The following NUP85 variants were observed in gnomAD, a reference collection of about 807,000 sequenced individuals.
NUP85 encodes nucleoporin 85.
In NUP85, 23 loss-of-function variants were observed where a neutral mutation model predicts 92.8. That is an observed-to-expected ratio of 0.25 (90% CI 0.18 to 0.35). The LOEUF (loss-of-function observed/expected upper bound fraction) is 0.35, where lower values mean the gene tolerates loss of function less well. NUP85 is among the 10% of genes least tolerant of loss of function. The pLI, the probability that NUP85 is intolerant of heterozygous loss-of-function variation, is 1.00. For synonymous variants in NUP85, 314 were observed against 306.9 expected (o/e 1.02, Z -0.24); for missense variants, 759 against 822.8 (o/e 0.92, Z 0.95).
intron 16 of NUP85, among the ~76,000 whole-genome samples, chr17:75,233,714 T>A (rs1035888940): frequency 2.6e-5 from 4 of 152,102 alleles, no homozygotes; most frequent in African/African-American, 4.8e-5. Context: ...TTCTCCTGCC[T>A]CAGCCTCCCA....
chr17:75,228,365 C>G, intron 11 of NUP85: 3 of 985,362 alleles, frequency 3.0e-6, no homozygotes, highest in Non-Finnish European at 3.6e-6. Context: ...CTCTCACAAG[C>G]AGGAAGGGAT....
intron 17 of NUP85, 137 bp downstream of exon 17, chr17:75,234,925 G>A: frequency 8.5e-7 from 1 of 1,175,884 alleles, no homozygotes; most frequent in Non-Finnish European, 1.3e-6. Flanking sequence ...CGCCCTCTCT[G>A]GGATTCCAGA....
chr17:75,213,270 C>G, intron 5 of NUP85, 151 bp downstream of exon 5: 2 of 645,108 alleles, frequency 3.1e-6, no homozygotes, highest in East Asian at 2.8e-5. Flanking sequence ...TGTCTTGCCC[C>G]CTTCAAGGTG....
chr17:75,213,429 TATAGGTGC>T (rs1324996785), intron 5 of NUP85, among the ~76,000 whole-genome samples: 1 of 151,276 alleles, frequency 6.6e-6, no homozygotes, highest in African/African-American at 2.4e-5. Context: ...TAGCTGGGAT[TATAGGTGC>T]ATGCCACACC....
rs572513137 is a variant in NUP85 at position 75,233,098 on chromosome 17, T to C, written c.1555T>C (p.Leu519=). ...CTGTGAGCGAGGCTGCTTTTCTGAT[T>C]TGGATCTCATTGACAACCTGGGGCC... ...DYCERGCFSD[L]DLIDNLGPAM... Residue 519 remains leucine (L), a synonymous_variant, in exon 16 of 19, where the codon TTG becomes CTG. Coordinates refer to ENST00000245544, the MANE Select transcript of NUP85 (RefSeq NM_024844.5). 3 of 1,614,122 alleles carry C rather than the reference T, an allele frequency of 1.9e-6. No individual in the cohort carries two copies. Among genetic ancestry groups the C allele is most frequent in the Non-Finnish European group, 2.5e-6 (3 of 1,180,016 alleles).
In NUP85 at chr17:75,234,625, G is replaced by GT. The variant is rs1291399455; in HGVS notation, c.1616-9dup. 1.9e-6 allele frequency: 3 copies of GT among 1,613,584 alleles called. No individual in the cohort carries two copies. The Admixed American group carries it at 5.0e-5, about 27-fold the overall frequency. On this transcript the variant is annotated splice_polypyrimidine_tract_variant and intron_variant, in intron 16 of 18. Transcript: ENST00000245544. ...AATATGCAGGTTACTCAGTGCTCTT[G>GT]TTTCGCCATAGGAAAGTATCGCGAG... is the stretch of plus-strand genomic sequence containing the variant.
At chr17:75,209,534 C>T (rs914873104) in intron 2 of NUP85, among the ~76,000 whole-genome samples, 2 of 148,032 alleles carry the variant, frequency 1.4e-5, no homozygotes, top group African/African-American at 2.5e-5. Context: ...ACCTCCGCCT[C>T]CCGGTTTGAA....
At position 75,225,083 on chromosome 17, in the gene NUP85, G is replaced by C. The variant is rs2075737304; in HGVS notation, c.598-20G>C. 1 of 1,523,582 alleles carries C rather than the reference G, an allele frequency of 6.6e-7. No individual in the cohort carries two copies. Among genetic ancestry groups the C allele is most frequent in the Non-Finnish European group, 8.8e-7 (1 of 1,134,448 alleles). The allele number at this position is 1,523,582 out of a possible 1,614,324, so 94.4% of individuals were successfully genotyped here. A position where few individuals can be genotyped will look rare whatever the true frequency, so the allele number is the denominator to read the frequency against. ...GGCCAGGCCTCCTGCCAATGCTTAT[G>C]GGCCCGGATCTCCTCCCAGGTGACC... On this transcript the variant is annotated intron_variant, in intron 7 of 18. Transcript: ENST00000245544.
chr17:75,229,830 A>G (rs1015374310), intron 11 of NUP85, among the ~76,000 whole-genome samples: 7 of 152,036 alleles, frequency 4.6e-5, no homozygotes, highest in Non-Finnish European at 1.0e-4. Context: ...CGTGCAGGCT[A>G]AGGCTTTGGC....
intron 16 of NUP85, among the ~76,000 whole-genome samples, chr17:75,233,684 C>T (rs1400599392): frequency 1.3e-5 from 2 of 152,078 alleles, no homozygotes; most frequent in Admixed American, 6.5e-5. Context: ...CTGCAACCCC[C>T]GCCTCCCGGG....
chr17:75,221,441 A>AT (rs1224323539), intron 7 of NUP85, among the ~76,000 whole-genome samples: 1 of 151,726 alleles, frequency 6.6e-6, no homozygotes, highest in Non-Finnish European at 1.5e-5. Flanking sequence ...GCCCAGCCAA[A>AT]TTTTTTTATT....
intron 1 of NUP85, among the ~76,000 whole-genome samples, chr17:75,207,115 T>C (rs183903309): frequency 9.9e-5 from 15 of 152,172 alleles, no homozygotes; most frequent in Admixed American, 2.6e-4. Context: ...CCTGAAAATT[T>C]TAGAGGCTCA....
rs748076908 is a variant in NUP85 at position 75,225,177 on chromosome 17, C to T, written c.672C>T (p.Pro224=). The change falls in exon 8 of 19, where the codon CCC becomes CCT. Residue 224 remains proline (P), a synonymous_variant. Coordinates refer to ENST00000245544, the MANE Select transcript of NUP85 (RefSeq NM_024844.5). Reference sequence around the variant, plus strand: ...TCTCCAAGGAAGCCGATGCCAGCCCCGCCTCTGCAGGCATATGCCGAATCA... The same window carrying T: ...TCTCCAAGGAAGCCGATGCCAGCCCTGCCTCTGCAGGCATATGCCGAATCA... ...QMLSKEADAS[P]ASAGICRIMG... 3.9e-5 allele frequency: 62 copies of T among 1,609,640 alleles called. No individual in the cohort carries two copies. The highest frequency in any genetic ancestry group is 1.1e-4 in the South Asian group (10 of 90,594).
At chr17:75,226,218 C>G in intron 11 of NUP85, 61 bp downstream of exon 11, 16 of 1,418,362 alleles carry the variant, frequency 1.1e-5, no homozygotes, top group Non-Finnish European at 1.5e-5. Context: ...CACCACCTTG[C>G]GTTTCTAGAG....
intron 7 of NUP85, 51 bp from the exon 8 acceptor site, chr17:75,225,052 C>T (rs779802214): frequency 2.5e-5 from 38 of 1,503,814 alleles, no homozygotes; most frequent in South Asian, 6.7e-5. Context: ...CCTCACGCCT[C>T]GGCAGGGCCA....
At chr17:75,212,308 G>C (rs1467396271) in intron 4 of NUP85, among the ~76,000 whole-genome samples, 3 of 106,520 alleles carry the variant, frequency 2.8e-5, no homozygotes, top group African/African-American at 1.2e-4. Context: ...TTGCTCTGTC[G>C]CCCAGGCTGA....
chr17:75,207,704 G>C (rs2075127327), intron 1 of NUP85, among the ~76,000 whole-genome samples: 1 of 151,478 alleles, frequency 6.6e-6, no homozygotes, highest in Non-Finnish European at 1.5e-5. Context: ...GGTCTCCAAA[G>C]CCTGACCTCG....
chr17:75,210,227 C>T (rs1274719906), intron 3 of NUP85, among the ~76,000 whole-genome samples: 1 of 152,036 alleles, frequency 6.6e-6, no homozygotes, highest in Non-Finnish European at 1.5e-5. Context: ...TTTTACTTAG[C>T]CTCTAAAGAA....
At chr17:75,226,782 T>G in intron 11 of NUP85, 1 of 449,136 alleles carries the variant, frequency 2.2e-6, no homozygotes, top group Non-Finnish European at 4.5e-6. Flanking sequence ...GAAACTACTT[T>G]GACATTTAAA....
Sources: allele counts gnomAD v4.1 joint callset (sites outside exome capture counted in the v4.1 genomes callset), GRCh38; gene constraint gnomAD v4.1.1; transcripts MANE v1.5; gene names NCBI Gene and HGNC (gene_info 2026-07-23, HGNC 2026-07-21).